HSF2BP: variants seen among roughly 807,000 people sequenced by gnomAD.
The protein encoded by HSF2BP is heat shock transcription factor 2 binding protein.
Under a neutral mutation model 35.0 loss-of-function variants are expected in HSF2BP, and 35 were observed. That is an observed-to-expected ratio of 1.00 (90% confidence interval 0.76 to 1.32). The LOEUF (loss-of-function observed/expected upper bound fraction) is 1.32. Among genes scored for constraint, HSF2BP ranks in the 40% most tolerant of loss-of-function variants. HSF2BP has a pLI of 0.00. For synonymous variants in HSF2BP, 114 were observed against 117.4 expected, an observed-to-expected ratio of 0.97 and a Z score of 0.18; for missense variants, 326 against 321.7, an observed-to-expected ratio of 1.01 and a Z score of -0.10.
At chr21:43,633,783 T>TA in intron 4 of HSF2BP, among the ~76,000 whole-genome samples, 1 of 152,250 alleles carries the variant, frequency 6.6e-6, no homozygotes, top group East Asian at 1.9e-4. Context: ...CAAAGCAATT[T>TA]ACCCAGAAAG....
At chr21:43,648,924 C>T (rs2147102070) in intron 3 of HSF2BP, among the ~76,000 whole-genome samples, 1 of 152,314 alleles carries the variant, frequency 6.6e-6, no homozygotes, top group East Asian at 1.9e-4. Flanking sequence ...ATGTTATTTA[C>T]AATTTTTATT....
chr21:43,631,983 C>CA (rs1568927902), intron 5 of HSF2BP, among the ~76,000 whole-genome samples: 8 of 93,592 alleles, frequency 8.5e-5, no homozygotes, highest in South Asian at 3.8e-4. Flanking sequence ...CACACGCTCC[C>CA]CACACACACA....
chr21:43,628,950 T>C (rs2082421441), intron 6 of HSF2BP, among the ~76,000 whole-genome samples: 1 of 152,202 alleles, frequency 6.6e-6, no homozygotes, highest in Non-Finnish European at 1.5e-5. Context: ...TACTGAATAT[T>C]TTCAGCCCAC....
At chr21:43,574,185 C>T (rs1373093653) in intron 8 of HSF2BP, among the ~76,000 whole-genome samples, 1 of 152,204 alleles carries the variant, frequency 6.6e-6, no homozygotes, top group African/African-American at 2.4e-5. Flanking sequence ...CATCATCTCG[C>T]CCTTTCAACC....
At chr21:43,649,223 G>A (rs934359725) in intron 3 of HSF2BP, among the ~76,000 whole-genome samples, 1 of 151,652 alleles carries the variant, frequency 6.6e-6, no homozygotes, top group Non-Finnish European at 1.5e-5. Context: ...CTGGCCTTTT[G>A]TTTGTTTTTC....
Position 43,633,395 on chromosome 21 carries a change from C to G in HSF2BP, c.318G>C (p.Leu106Phe). ...GCAGGAGTTGCTGCTTCGCTTCATT[C>G]AACTGCTGTCGAAGAGCCAGTTTCT... ...KKEKLALRQQ[L>F]NEAKQQLLQQ... The change falls in exon 5 of 9, where the codon TTG becomes TTC. Residue 106 changes from leucine to phenylalanine, a missense_variant. Coordinates refer to ENST00000291560, the MANE Select transcript of HSF2BP (RefSeq NM_007031.2). The G allele has an allele frequency of 6.2e-7, 1 of 1,611,236 alleles. No individual in the cohort carries two copies. Among genetic ancestry groups the G allele is most frequent in the South Asian group, 1.1e-5 (1 of 90,136 alleles).
chr21:43,581,304 T>C (rs1455087479), intron 8 of HSF2BP, among the ~76,000 whole-genome samples: 1 of 151,106 alleles, frequency 6.6e-6, no homozygotes, highest in African/African-American at 2.4e-5. Flanking sequence ...AAGAATGGCG[T>C]GAACCTGGGA....
chr21:43,647,819 C>T (rs1259799227), intron 3 of HSF2BP, among the ~76,000 whole-genome samples: 2 of 151,416 alleles, frequency 1.3e-5, no homozygotes, highest in Non-Finnish European at 2.9e-5. Context: ...GTCCCAGCTA[C>T]TCGGGAGGCT....
rs775496388 is a variant in HSF2BP at position 43,612,360 on chromosome 21, A to T, written c.692+1470T>A. 4.4e-4 allele frequency among the ~76,000 whole-genome samples: 67 copies of T among 152,160 alleles called. 1 individual carries two copies. Among genetic ancestry groups the T allele is most frequent in the Non-Finnish European group, 8.7e-4 (59 of 68,032 alleles). The stretch of plus-strand genomic sequence containing the variant: ...GACTTTACAGAAGCTCTTACTTTTT[A>T]AAAGTGCTAGGCCGGGCGCAGGGGC... On this transcript the variant is annotated intron_variant, in intron 7 of 8. Coordinates refer to ENST00000291560, the MANE Select transcript of HSF2BP (RefSeq NM_007031.2).
intron 7 of HSF2BP, among the ~76,000 whole-genome samples, chr21:43,606,153 G>A (rs548610282): frequency 3.9e-5 from 6 of 152,250 alleles, no homozygotes; most frequent in Middle Eastern, 3.4e-3. Context: ...AGGCCGTGAG[G>A]ATCACACCCG....
At chr21:43,603,393 C>T (rs2082075255) in intron 7 of HSF2BP, among the ~76,000 whole-genome samples, 1 of 152,216 alleles carries the variant, frequency 6.6e-6, no homozygotes, top group African/African-American at 2.4e-5. Context: ...CGAAGGGGGA[C>T]ACTCCTGACA....
At chr21:43,501,362 C>G in the HSF2BP span, among the ~76,000 whole-genome samples, 3 of 105,202 alleles carry the variant, frequency 2.9e-5, 1 homozygote, top group South Asian at 2.8e-4. Flanking sequence ...TCCACAGTGT[C>G]TATTTGACCT....
intron 6 of HSF2BP, among the ~76,000 whole-genome samples, chr21:43,617,983 G>A (rs992490294): frequency 4.6e-5 from 7 of 151,856 alleles, no homozygotes; most frequent in African/African-American, 1.7e-4. Context: ...TCTGGGCCAA[G>A]CATAGTGGCT....
Position 43,581,934 on chromosome 21 carries a change from G to A in HSF2BP, c.796+10291C>T, listed in dbSNP as rs1165679151. 3.6e-5 allele frequency among the ~76,000 whole-genome samples: 5 copies of A among 139,450 alleles called. 1 individual carries two copies. The highest frequency in any genetic ancestry group is 2.3e-4 in the South Asian group (1 of 4,370). The allele number at this position is 139,450 out of a possible 152,430, so 91.5% of individuals were successfully genotyped here. A position where few individuals can be genotyped will look rare whatever the true frequency, so the allele number is the denominator to read the frequency against. ...CTGCTGTGGGAGATGAGGGCCTGCC[G>A]TGGGGGATGAGGGTCTGCTGTGGGA... On this transcript the variant is annotated intron_variant, in intron 8 of 8. Coordinates refer to ENST00000291560, the MANE Select transcript of HSF2BP (RefSeq NM_007031.2).
At chr21:43,609,230 T>C (rs1470572953) in intron 7 of HSF2BP, among the ~76,000 whole-genome samples, 1 of 152,036 alleles carries the variant, frequency 6.6e-6, no homozygotes, top group Non-Finnish European at 1.5e-5. Context: ...GCTAAACCCT[T>C]GGTATACGCG....
chr21:43,573,394 C>T (rs1327969178), intron 8 of HSF2BP, among the ~76,000 whole-genome samples: 1 of 152,192 alleles, frequency 6.6e-6, no homozygotes. Context: ...ATGCTACCAT[C>T]TCAGAGTGAA....
chr21:43,613,630 TG>T (rs2082235621), intron 7 of HSF2BP, among the ~76,000 whole-genome samples, 199 bp downstream of exon 7: 1 of 152,206 alleles, frequency 6.6e-6, no homozygotes, highest in Non-Finnish European at 1.5e-5. Context: ...TGCTCTAAGG[TG>T]AGAACATTCC....
rs559539633 is a variant in HSF2BP, at chr21:43,619,780, G to A, written c.575-5833C>T. ...CCTGAGGATAGCCAGAGGCAAAGTG[G>A]GGAAGCAGAACTACTATTCCCAGCC... On this transcript the variant is annotated intron_variant, in intron 6 of 8. Transcript: ENST00000291560. Among the ~76,000 whole-genome samples, 9 of 152,324 alleles carry A rather than the reference G, an allele frequency of 5.9e-5. No homozygotes were observed. In the South Asian group the frequency reaches 1.9e-3, roughly 32 times the overall value.
At chr21:43,573,919 G>A (rs1308724656) in intron 8 of HSF2BP, among the ~76,000 whole-genome samples, 1 of 152,204 alleles carries the variant, frequency 6.6e-6, no homozygotes, top group African/African-American at 2.4e-5. Context: ...TTGCTAAGTC[G>A]TTGGAAACTA....
Sources: gnomAD v4.1 joint callset for allele counts (sites outside exome capture counted in the v4.1 genomes callset) on GRCh38, gnomAD v4.1.1 for gene constraint, MANE v1.5 for transcripts, NCBI Gene and HGNC (gene_info 2026-07-23, HGNC 2026-07-21) for gene names.